Variants in SCP2 observed in about 807,000 individuals in gnomAD.
SCP2 encodes sterol carrier protein 2.
Under a neutral mutation model 71.4 loss-of-function variants are expected in SCP2, and 48 were observed. That is an observed-to-expected ratio of 0.67 (90% CI 0.53 to 0.86). SCP2 has a LOEUF of 0.86. SCP2 is among the 40% of genes least tolerant of loss of function. The probability of loss-of-function intolerance (pLI) is 0.00; values close to 1 mark genes in which losing one functional copy is unlikely to be tolerated. For missense variants in SCP2, 560 were observed against 655.6 expected (o/e 0.85, Z 1.59); for synonymous variants, 220 against 218.1 (o/e 1.01, Z -0.08).
At chr1:53,015,765 A>G (rs1439533520) in intron 12 of SCP2, among the ~76,000 whole-genome samples, 1 of 152,030 alleles carries the variant, frequency 6.6e-6, no homozygotes, top group Non-Finnish European at 1.5e-5. Flanking sequence ...GTTGTTCATG[A>G]TGAGCCTTTT....
At chr1:53,030,893 C>T (rs1186064374) in intron 13 of SCP2, among the ~76,000 whole-genome samples, 2 of 141,726 alleles carry the variant, frequency 1.4e-5, no homozygotes, top group South Asian at 2.2e-4. Flanking sequence ...GAGCGAGACT[C>T]CACCTCAAAA....
chr1:53,043,211 T>C (rs1663556409), intron 14 of SCP2, among the ~76,000 whole-genome samples: 2 of 152,206 alleles, frequency 1.3e-5, no homozygotes, highest in South Asian at 4.1e-4. Context: ...CCAATGGTCT[T>C]ATCTAAATAT....
In SCP2 at chr1:53,011,131, C is replaced by T. The variant is rs533619760; in HGVS notation, c.1082-3759C>T. On this transcript the variant is annotated intron_variant, in intron 11 of 15. Transcript: ENST00000371514. ...TTTTGCTGTTTGAAGCTCAACAAGC[C>T]TTTTCTTCCTCAAAAATTCAGGCTC... Among the ~76,000 whole-genome samples, 8 of 152,296 alleles carry T rather than the reference C, an allele frequency of 5.3e-5. No individual in the cohort carries two copies. The South Asian group carries it at 1.7e-3, about 32-fold the overall frequency.
intron 13 of SCP2, among the ~76,000 whole-genome samples, chr1:53,037,407 T>A (rs1557626961): frequency 6.6e-6 from 1 of 152,110 alleles, no homozygotes; most frequent in East Asian, 1.9e-4. Context: ...GTCATAGTGA[T>A]CATAGCGTAT....
chr1:53,011,866 A>G (rs1017782741), intron 11 of SCP2, among the ~76,000 whole-genome samples: 3 of 152,170 alleles, frequency 2.0e-5, no homozygotes, highest in African/African-American at 4.8e-5. Flanking sequence ...TGCTTTTTCT[A>G]TTTACATCTA....
chr1:52,969,845 A>AAAC (rs1657306951), intron 6 of SCP2, among the ~76,000 whole-genome samples: 2 of 152,064 alleles, frequency 1.3e-5, no homozygotes, highest in South Asian at 2.1e-4. Context: ...ACAAACAAAC[A>AAAC]AAAAAAGTGG....
At chr1:52,977,170 AATG>A (rs1272430353) in intron 8 of SCP2, among the ~76,000 whole-genome samples, 1 of 152,192 alleles carries the variant, frequency 6.6e-6, no homozygotes. Flanking sequence ...TCATAGCTCT[AATG>A]ATGATAACAG....
rs1481908405 is a variant in SCP2 at position 53,047,954 on chromosome 1, T to C, written c.1548+17T>C. ...CCTCAGTCGGTAAGTATGATGGAGC[T>C]TATATCCTGCTAGTAGGTAGGTCTT... On this transcript the variant is annotated intron_variant, in intron 15 of 15. Transcript: ENST00000371514. 6.4e-7 allele frequency: 1 copy of C among 1,562,862 alleles called. No individual in the cohort carries two copies. The highest frequency in any genetic ancestry group is 1.1e-5 in the South Asian group (1 of 90,034).
At chr1:52,985,589 G>A (rs1283435071) in intron 10 of SCP2, among the ~76,000 whole-genome samples, 2 of 152,166 alleles carry the variant, frequency 1.3e-5, no homozygotes, top group East Asian at 3.8e-4. Context: ...CAGCAAATCA[G>A]TTCATTAATT....
chr1:53,002,549 C>A (rs151255896), intron 11 of SCP2, among the ~76,000 whole-genome samples: 3 of 152,298 alleles, frequency 2.0e-5, no homozygotes, highest in Admixed American at 6.5e-5. Context: ...ATACATGTAA[C>A]AACTTGATAG....
intron 1 of SCP2, among the ~76,000 whole-genome samples, chr1:52,928,043 T>G (rs1206685407): frequency 6.6e-6 from 1 of 152,244 alleles, no homozygotes; most frequent in Non-Finnish European, 1.5e-5. Context: ...CGCAGTTGTC[T>G]GATGCCTCTG....
intron 11 of SCP2, among the ~76,000 whole-genome samples, chr1:53,000,921 C>T (rs186113880): frequency 4.0e-4 from 61 of 152,224 alleles, no homozygotes; most frequent in Middle Eastern, 3.4e-3. Context: ...TGCCACTACA[C>T]TCCAACCTGT....
intron 1 of SCP2, among the ~76,000 whole-genome samples, chr1:52,930,318 T>TA (rs1653026635): frequency 2.7e-5 from 3 of 112,278 alleles, no homozygotes; most frequent in Non-Finnish European, 6.7e-5. Flanking sequence ...AAAGTATATC[T>TA]TAAAAAAAAA....
intron 1 of SCP2, 118 bp downstream of exon 1, chr1:52,927,583 C>A: frequency 1.3e-6 from 1 of 779,504 alleles, no homozygotes; most frequent in Non-Finnish European, 2.2e-6. Context: ...ATCGGCGTGG[C>A]GACTTGGTGG....
At chr1:52,991,524 C>T (rs1659505518) in intron 11 of SCP2, among the ~76,000 whole-genome samples, 2 of 152,200 alleles carry the variant, frequency 1.3e-5, no homozygotes, top group Non-Finnish European at 2.9e-5. Context: ...CCTCAGCCTC[C>T]CAAGTAGCCG....
At chr1:52,976,166 G>A (rs1199310928) in intron 7 of SCP2, among the ~76,000 whole-genome samples, 3 of 152,112 alleles carry the variant, frequency 2.0e-5, no homozygotes, top group Non-Finnish European at 4.4e-5. Context: ...ACATCAAGAC[G>A]TTCACCAATC....
chr1:52,968,871 T>G (rs1657208471), intron 6 of SCP2, among the ~76,000 whole-genome samples: 1 of 152,132 alleles, frequency 6.6e-6, no homozygotes, highest in Admixed American at 6.6e-5. Context: ...CATAAAAAAT[T>G]GATTTACACA....
At chr1:52,961,694 G>C in intron 6 of SCP2, 65 bp downstream of exon 6, 1,750 of 1,247,510 alleles carry the variant, frequency 1.4e-3, no homozygotes, top group Non-Finnish European at 1.9e-3. Flanking sequence ...AGAAATGACA[G>C]TTATTTATTA....
At chr1:52,975,458 G>T (rs1002097246) in intron 7 of SCP2, among the ~76,000 whole-genome samples, 1 of 152,132 alleles carries the variant, frequency 6.6e-6, no homozygotes, top group Admixed American at 6.6e-5. Flanking sequence ...GATTACAGGT[G>T]TGAGCCACCG....
Sources: allele counts gnomAD v4.1 joint callset (sites outside exome capture counted in the v4.1 genomes callset), GRCh38; gene constraint gnomAD v4.1.1; transcripts MANE v1.5; gene names NCBI Gene and HGNC (gene_info 2026-07-23, HGNC 2026-07-21).